Variants in OTUD7A observed in about 807,000 individuals in gnomAD.
OTUD7A encodes OTU domain-containing protein 7A.
Under a neutral mutation model 65.7 loss-of-function variants are expected in OTUD7A, and 12 were observed. That is an observed-to-expected ratio of 0.18 (90% CI 0.12 to 0.30). The LOEUF is 0.30. OTUD7A is among the 10% of genes least tolerant of loss of function. The pLI is 1.00. For missense variants in OTUD7A, 1,148 were observed against 1,304.8 expected, an observed-to-expected ratio of 0.88 and a Z score of 1.85; for synonymous variants, 641 against 586.3, an observed-to-expected ratio of 1.09 and a Z score of -1.35.
intron 1 of OTUD7A, among the ~76,000 whole-genome samples, chr15:31,859,108 CA>C (rs1423134684): frequency 6.6e-6 from 1 of 152,228 alleles, no homozygotes; most frequent in Non-Finnish European, 1.5e-5. Context: ...TGCAAGTTAA[CA>C]AACCTGGCAA....
chr15:31,640,208 A>G (rs7176033), intron 3 of OTUD7A, among the ~76,000 whole-genome samples: 43,685 of 151,854 alleles, frequency 0.29, 7,435 homozygotes, highest in African/African-American at 0.47. Flanking sequence ...GTTCTGACTT[A>G]TAAGTGGCAG....
At chr15:31,749,745 T>C (rs1894579073) in intron 1 of OTUD7A, among the ~76,000 whole-genome samples, 1 of 152,040 alleles carries the variant, frequency 6.6e-6, no homozygotes, top group Non-Finnish European at 1.5e-5. Context: ...GTGTACAATT[T>C]TTTTTTTTAA....
At chr15:31,697,576 G>T (rs1893112563) in intron 1 of OTUD7A, among the ~76,000 whole-genome samples, 1 of 151,010 alleles carries the variant, frequency 6.6e-6, no homozygotes, top group Non-Finnish European at 1.5e-5. Context: ...TGGGGTTCAG[G>T]AGGTGAAATT....
chr15:31,503,814 C>T lies in OTUD7A; in HGVS notation c.898G>A (p.Asp300Asn). ...SKNGGTGGGVDNSEDPVYESL... is the reference protein window; with the variant it reads ...SKNGGTGGGVNNSEDPVYESL... Reference sequence around the variant, plus strand: ...TCGTACACGGGGTCCTCAGAGTTGTCCACACTGTGAAACAAAACAGAGCCA... The same window carrying T: ...TCGTACACGGGGTCCTCAGAGTTGTTCACACTGTGAAACAAAACAGAGCCA... The change falls in exon 9 of 13, where the codon GAC (aspartate) becomes AAC (asparagine). Residue 300 changes from aspartate (D) to asparagine (N), a missense_variant. Asp to Asn is a conservative substitution (Grantham distance 23). Coordinates refer to ENST00000307050, the MANE Select transcript of OTUD7A (RefSeq NM_001382637.1). 3 of 1,614,156 alleles carry T rather than the reference C, an allele frequency of 1.9e-6. No homozygotes were observed. Among genetic ancestry groups the T allele is most frequent in the Non-Finnish European group, 2.5e-6 (3 of 1,180,028 alleles).
At chr15:31,674,886 T>C (rs1046637422) in intron 1 of OTUD7A, among the ~76,000 whole-genome samples, 5 of 152,152 alleles carry the variant, frequency 3.3e-5, no homozygotes, top group South Asian at 2.1e-4. Flanking sequence ...CCAAGAAAAG[T>C]TGGGTGGAGT....
At chr15:31,694,495 G>C (rs562872285) in intron 1 of OTUD7A, among the ~76,000 whole-genome samples, 55 of 152,266 alleles carry the variant, frequency 3.6e-4, no homozygotes, top group African/African-American at 1.3e-3. Flanking sequence ...CTCTCAGCAA[G>C]TTTCAAGAAT....
At chr15:31,853,923 A>G (rs1382792537) in intron 1 of OTUD7A, among the ~76,000 whole-genome samples, 1 of 152,252 alleles carries the variant, frequency 6.6e-6, no homozygotes, top group Non-Finnish European at 1.5e-5. Context: ...GAAGGAGAAG[A>G]GCAAATGCAG....
At chr15:31,541,141 T>C (rs917952227) in intron 5 of OTUD7A, among the ~76,000 whole-genome samples, 2 of 152,202 alleles carry the variant, frequency 1.3e-5, no homozygotes, top group African/African-American at 4.8e-5. Context: ...GACATCTAAA[T>C]ACAGCATGTT....
chr15:31,512,881 G>C (rs556333404), intron 8 of OTUD7A, among the ~76,000 whole-genome samples: 1 of 152,208 alleles, frequency 6.6e-6, no homozygotes, highest in Non-Finnish European at 1.5e-5. Context: ...GTTAGCACAG[G>C]TCTTTGAATA....
chr15:31,774,526 C>T (rs1310950810), intron 1 of OTUD7A, among the ~76,000 whole-genome samples: 1 of 152,232 alleles, frequency 6.6e-6, no homozygotes, highest in African/African-American at 2.4e-5. Context: ...GAACTTGCCA[C>T]TCTGAAATAA....
intron 1 of OTUD7A, among the ~76,000 whole-genome samples, chr15:31,753,702 T>A (rs1249896399): frequency 0.045 from 506 of 11,174 alleles, 23 homozygotes; most frequent in African/African-American, 0.055. Context: ...TATATATATA[T>A]TATATATATA....
At chr15:31,859,870 G>C (rs1222581967) in intron 1 of OTUD7A, among the ~76,000 whole-genome samples, 2 of 152,182 alleles carry the variant, frequency 1.3e-5, no homozygotes, top group Admixed American at 6.5e-5. Context: ...CCGCAACTCT[G>C]AGCACGTACC....
chr15:31,514,459 C>A (rs1462531914), intron 8 of OTUD7A, among the ~76,000 whole-genome samples: 2 of 152,082 alleles, frequency 1.3e-5, no homozygotes, highest in African/African-American at 2.4e-5. Context: ...TCTTTCTCTC[C>A]CTCTCCATGT....
At chr15:31,513,325 AT>A (rs1475883637) in intron 8 of OTUD7A, among the ~76,000 whole-genome samples, 1 of 152,208 alleles carries the variant, frequency 6.6e-6, no homozygotes, top group African/African-American at 2.4e-5. Context: ...GTTCTTGCTC[AT>A]TTTCTATGAA....
chr15:31,773,960 C>G (rs1895304129), intron 1 of OTUD7A, among the ~76,000 whole-genome samples: 1 of 152,196 alleles, frequency 6.6e-6, no homozygotes, highest in South Asian at 2.1e-4. Flanking sequence ...AGCAAATGCA[C>G]TGTTTAATTG....
chr15:31,507,941 AT>A (rs1257687045), intron 8 of OTUD7A, among the ~76,000 whole-genome samples: 1 of 152,232 alleles, frequency 6.6e-6, no homozygotes, highest in African/African-American at 2.4e-5. Flanking sequence ...GCAGGTGATT[AT>A]AACAATAAGT....
intron 1 of OTUD7A, among the ~76,000 whole-genome samples, chr15:31,835,401 A>C (rs557118106): frequency 6.6e-6 from 1 of 152,242 alleles, no homozygotes; most frequent in African/African-American, 2.4e-5. Flanking sequence ...CAACTAAAAG[A>C]AGCACAAACT....
At chr15:31,740,990 C>T (rs964850284) in intron 1 of OTUD7A, among the ~76,000 whole-genome samples, 3 of 152,152 alleles carry the variant, frequency 2.0e-5, no homozygotes, top group African/African-American at 2.4e-5. Flanking sequence ...TGTGAATGTA[C>T]TATTGACAAA....
At chr15:31,751,339 A>G (rs1454860497) in intron 1 of OTUD7A, among the ~76,000 whole-genome samples, 1 of 152,220 alleles carries the variant, frequency 6.6e-6, no homozygotes, top group Non-Finnish European at 1.5e-5. Context: ...TAATCATCAG[A>G]GAAATGCATG....
Sources: allele counts gnomAD v4.1 joint callset (sites outside exome capture counted in the v4.1 genomes callset), GRCh38; gene constraint gnomAD v4.1.1; transcripts MANE v1.5; gene names NCBI Gene and HGNC (gene_info 2026-07-23, HGNC 2026-07-21).